The following MTMR14 variants were observed in gnomAD, a reference collection of about 807,000 sequenced individuals.
MTMR14 encodes the protein phosphatidylinositol-3,5-bisphosphate 3-phosphatase MTMR14.
A neutral mutation model predicts 86.3 loss-of-function variants in MTMR14; 48 were observed. That is an observed-to-expected ratio of 0.56 (90% CI 0.44 to 0.71). The LOEUF (loss-of-function observed/expected upper bound fraction) is 0.71. MTMR14 is among the 30% of genes least tolerant of loss of function. The probability of loss-of-function intolerance (pLI) is 0.00; values close to 1 mark genes in which losing one functional copy is unlikely to be tolerated. For synonymous variants in MTMR14, 366 were observed against 326.1 expected, an observed-to-expected ratio of 1.12 and a Z score of -1.32; for missense variants, 780 against 834.6, an observed-to-expected ratio of 0.93 and a Z score of 0.81.
chr3:9,651,108 G>GT (rs1326716554), intron 1 of MTMR14, among the ~76,000 whole-genome samples: 1 of 151,598 alleles, frequency 6.6e-6, no homozygotes, highest in Non-Finnish European at 1.5e-5. Context: ...GTTTGTTTTT[G>GT]TTTTTTGTGT....
rs780221499 is a variant in MTMR14, at chr3:9,685,207, T to C, written c.1128-4T>C. ...ACTTTGCCTCTCTACCCTCCTTTTT[T>C]CAGGCACATGTTGGTAGATCGGCTC... On this transcript the variant is annotated splice_polypyrimidine_tract_variant and splice_region_variant and intron_variant, in intron 12 of 18. Transcript: ENST00000296003. 1.2e-4 allele frequency: 193 copies of C among 1,614,036 alleles called. No homozygotes were observed. In the Middle Eastern group the frequency reaches 1.3e-3, roughly 11 times the overall value.
At chr3:9,658,993 T>C (rs1360784817) in intron 2 of MTMR14, among the ~76,000 whole-genome samples, 1 of 152,200 alleles carries the variant, frequency 6.6e-6, no homozygotes, top group African/African-American at 2.4e-5. Flanking sequence ...AGTTTGAGAC[T>C]GAATTAAACT....
chr3:9,676,330 C>T lies in MTMR14; in HGVS notation c.752-987C>T, dbSNP rs964569322. Among the ~76,000 whole-genome samples, 5 of 152,234 alleles carry T rather than the reference C, an allele frequency of 3.3e-5. No individual in the cohort carries two copies. In the South Asian group the frequency reaches 1.0e-3, roughly 31 times the overall value. On this transcript the variant is annotated intron_variant, in intron 7 of 18. Transcript: ENST00000296003. ...GGAGCTCCTTGGAGGACCAGATGCT[C>T]TCTGTGCTATAGTCAGACTCAGCAG... is the stretch of plus-strand genomic sequence containing the variant.
chr3:9,698,003 TG>T (rs1287335900), intron 18 of MTMR14, 137 bp downstream of exon 18: 1 of 1,258,560 alleles, frequency 7.9e-7, no homozygotes, highest in African/African-American at 1.5e-5. Flanking sequence ...TCTCAGCTGC[TG>T]GACCCGAGGT....
At position 9,649,684 on chromosome 3, in the gene MTMR14, A is replaced by T; in HGVS notation, c.101A>T (p.Glu34Val). 6.2e-7 allele frequency: 1 copy of T among 1,610,076 alleles called. No homozygotes were observed. ...PQELGLGELL[E>V]EFSRTQYRAK... ...GAGCTGGGGCTTGGGGAGCTGCTGG[A>T]GGAGTTCTCCCGGACTCAGTACCGG... The change falls in exon 1 of 19, where the codon GAG becomes GTG. Residue 34 changes from glutamate (E) to valine (V), a missense_variant. Coordinates refer to ENST00000296003, the MANE Select transcript of MTMR14 (RefSeq NM_001077525.3).
At chr3:9,682,362 G>A (rs775601639) in intron 9 of MTMR14, among the ~76,000 whole-genome samples, 1 of 152,132 alleles carries the variant, frequency 6.6e-6, no homozygotes, top group Non-Finnish European at 1.5e-5. Context: ...GCTGGCATGC[G>A]TCACCCTCTC....
In MTMR14 at chr3:9,687,909, C is replaced by G. The variant is rs577114360; in HGVS notation, c.1235+18C>G. The G allele has an allele frequency of 6.3e-7, 1 of 1,578,032 alleles. No homozygotes were observed. On this transcript the variant is annotated intron_variant, in intron 14 of 18. Coordinates refer to ENST00000296003, the MANE Select transcript of MTMR14 (RefSeq NM_001077525.3). ...ACCCAGAGGTAAGTGGAGGCCTGCA[C>G]GTGTCATGCTGGGCCAGGGCGCTCT...
chr3:9,669,435 G>T lies in MTMR14; in HGVS notation c.497G>T (p.Gly166Val). 6.2e-7 allele frequency: 1 copy of T among 1,613,990 alleles called. No homozygotes were observed. The highest frequency in any genetic ancestry group is 8.5e-7 in the Non-Finnish European group (1 of 1,179,902). Residue 166 changes from glycine to valine, a missense_variant, in exon 5 of 19, where the codon GGT becomes GTT. By Grantham distance (109) the Gly-to-Val change is moderately radical. Transcript: ENST00000296003. ...GACAGATAGGTTTCTCTGGCAGGGG[G>T]TGCAGATGATGCCTGGGCAGATGTG... is the stretch of plus-strand genomic sequence containing the variant. The part of the protein sequence containing the change: ...RSGYNYFFSG[G>V]ADDAWADVED...
chr3:9,682,937 C>G (rs1470313387), intron 9 of MTMR14, among the ~76,000 whole-genome samples: 1 of 151,634 alleles, frequency 6.6e-6, no homozygotes, highest in Admixed American at 6.6e-5. Context: ...GTCAGAGCCC[C>G]CCCCCCGCCC....
chr3:9,665,649 G>C (rs944752944), intron 3 of MTMR14, among the ~76,000 whole-genome samples: 1 of 151,906 alleles, frequency 6.6e-6, no homozygotes, highest in Non-Finnish European at 1.5e-5. Context: ...AAATGCTTGC[G>C]TTCTGCTTCC....
At chr3:9,650,051 T>A (rs1481902302) in intron 1 of MTMR14, among the ~76,000 whole-genome samples, 2 of 152,032 alleles carry the variant, frequency 1.3e-5, no homozygotes, top group Non-Finnish European at 2.9e-5. Context: ...AAGGAAGGTC[T>A]ATTCCCTGCT....
chr3:9,666,912 T>C lies in MTMR14; in HGVS notation c.418-1807T>C, dbSNP rs542750188. Among the ~76,000 whole-genome samples, 5 of 152,270 alleles carry C rather than the reference T, an allele frequency of 3.3e-5. 1 individual carries two copies. The highest frequency in any genetic ancestry group is 1.2e-4 in the African/African-American group (5 of 41,542). On this transcript the variant is annotated intron_variant, in intron 3 of 18. Coordinates refer to ENST00000296003, the MANE Select transcript of MTMR14 (RefSeq NM_001077525.3). ...GAACCATGAGGCAAAGGAACAGGTG[T>C]CTATCAAGAGGGGTCAGCCCTCCCA...
At chr3:9,684,738 G>A in intron 11 of MTMR14, 68 bp downstream of exon 11, 1 of 1,573,584 alleles carries the variant, frequency 6.4e-7, no homozygotes, top group Non-Finnish European at 8.7e-7. Context: ...CAGACAGAGG[G>A]TGGAGCAGGG....
intron 3 of MTMR14, among the ~76,000 whole-genome samples, chr3:9,667,263 C>T (rs1489447690): frequency 1.3e-5 from 2 of 152,246 alleles, no homozygotes; most frequent in Non-Finnish European, 2.9e-5. Flanking sequence ...ACCCTGCCAA[C>T]GTCTTGGAGT....
chr3:9,694,453 G>GC (rs1559617585), intron 17 of MTMR14, among the ~76,000 whole-genome samples: 2 of 152,234 alleles, frequency 1.3e-5, no homozygotes, highest in Non-Finnish European at 2.9e-5. Context: ...ACTAGGCTGA[G>GC]CACCATAGTG....
intron 9 of MTMR14, 23 bp downstream of exon 9, chr3:9,678,081 T>A: frequency 6.2e-7 from 1 of 1,613,346 alleles, no homozygotes. Flanking sequence ...ACTCAAGCAT[T>A]GAGGGCAGGA....
At chr3:9,659,775 G>A (rs530706570) in intron 2 of MTMR14, 17 of 456,670 alleles carry the variant, frequency 3.7e-5, no homozygotes, top group Admixed American at 1.6e-4. Context: ...TAGGGGAACC[G>A]GTAAAGGAAC....
At chr3:9,698,395 C>T (rs754192104) in intron 18 of MTMR14, among the ~76,000 whole-genome samples, 1 of 152,250 alleles carries the variant, frequency 6.6e-6, no homozygotes, top group Admixed American at 6.5e-5. Flanking sequence ...GTTTCCAGCC[C>T]TTAACAGTGT....
At chr3:9,694,378 C>T (rs564067426) in intron 17 of MTMR14, among the ~76,000 whole-genome samples, 60 of 152,238 alleles carry the variant, frequency 3.9e-4, no homozygotes, top group African/African-American at 1.4e-3. Context: ...CATGGTGGCT[C>T]ATGTCTGTAA....
Sources: gnomAD v4.1 joint callset for allele counts (sites outside exome capture counted in the v4.1 genomes callset) on GRCh38, gnomAD v4.1.1 for gene constraint, MANE v1.5 for transcripts, NCBI Gene and HGNC (gene_info 2026-07-23, HGNC 2026-07-21) for gene names.